The following HECW2 variants were observed in gnomAD, a reference collection of about 807,000 sequenced individuals.
The protein encoded by HECW2 is HECT, C2 and WW domain containing E3 ubiquitin protein ligase 2, also known as E3 ubiquitin-protein ligase HECW2.
A neutral mutation model predicts 175.2 loss-of-function variants in HECW2; 61 were observed. The ratio of observed to expected loss-of-function variants is 0.35; its 90% confidence interval spans 0.28 to 0.43. The LOEUF is 0.43. Ranked by LOEUF, HECW2 falls within the 20% of genes least tolerant of loss-of-function variation. The pLI is 1.00. For missense variants in HECW2, 1,524 were observed against 2,000.5 expected (o/e 0.76, Z 4.54); for synonymous variants, 671 against 731.0 (o/e 0.92, Z 1.32).
chr2:196,430,301 G>GA (rs1051692819), intron 2 of HECW2, among the ~76,000 whole-genome samples: 3 of 151,482 alleles, frequency 2.0e-5, no homozygotes, highest in African/African-American at 7.3e-5. Flanking sequence ...CTGCTTATTA[G>GA]AAAAAAAATC....
intron 4 of HECW2, among the ~76,000 whole-genome samples, chr2:196,333,938 C>A (rs549645801): frequency 3.3e-5 from 5 of 152,162 alleles, no homozygotes; most frequent in Non-Finnish European, 5.9e-5. Context: ...GACACTAGAT[C>A]CAAACTCAGC....
chr2:196,291,377 T>A (rs1402373509), intron 14 of HECW2: 1 of 152,172 alleles, frequency 6.6e-6, no homozygotes, highest in Non-Finnish European at 1.5e-5. Flanking sequence ...GCTCTTGGCC[T>A]ACAAAGAATA....
intron 2 of HECW2, among the ~76,000 whole-genome samples, chr2:196,391,179 A>G (rs1694498605): frequency 6.6e-6 from 1 of 152,134 alleles, no homozygotes; most frequent in Non-Finnish European, 1.5e-5. Flanking sequence ...CAGGTTATTT[A>G]TCTTCTACCA....
chr2:196,377,130 G>T (rs781053890), intron 2 of HECW2, among the ~76,000 whole-genome samples: 14 of 152,200 alleles, frequency 9.2e-5, no homozygotes, highest in South Asian at 4.2e-4. Context: ...AAAGCTATCC[G>T]CTAGTTAGTG....
chr2:196,492,582 G>C (rs1444607785), intron 1 of HECW2, among the ~76,000 whole-genome samples: 13 of 152,162 alleles, frequency 8.5e-5, no homozygotes, highest in South Asian at 8.3e-4. Flanking sequence ...AAAGGATTGT[G>C]GGGGAAAGGG....
chr2:196,274,252 A>G (rs1186166828), intron 15 of HECW2, 129 bp from the exon 16 acceptor site: 2 of 648,286 alleles, frequency 3.1e-6, no homozygotes, highest in South Asian at 1.9e-5. Context: ...AACAGATACC[A>G]GCTGTGGGGC....
chr2:196,331,084 G>T (rs192887843), intron 4 of HECW2: 1 of 899,256 alleles, frequency 1.1e-6, no homozygotes, highest in African/African-American at 1.8e-5. Context: ...TACTGCCTCC[G>T]CTGTAACTCC....
intron 1 of HECW2, among the ~76,000 whole-genome samples, chr2:196,524,504 C>G (rs1334009947): frequency 1.7e-5 from 1 of 58,498 alleles, no homozygotes; most frequent in East Asian, 3.4e-4. Flanking sequence ...TTAGTTATTT[C>G]TTGCCTTCTG....
At chr2:196,220,618 T>G (rs912237653) in intron 25 of HECW2, among the ~76,000 whole-genome samples, 177 bp downstream of exon 25, 22 of 152,212 alleles carry the variant, frequency 1.4e-4, no homozygotes, top group African/African-American at 5.1e-4. Flanking sequence ...CTCGTAACAG[T>G]GAGTTAAGCT....
At chr2:196,574,801 C>G (rs1177240069) in intron 1 of HECW2, among the ~76,000 whole-genome samples, 1 of 152,062 alleles carries the variant, frequency 6.6e-6, no homozygotes, top group Non-Finnish European at 1.5e-5. Flanking sequence ...TTAATCAAAA[C>G]AGTATGGTAC....
intron 2 of HECW2, among the ~76,000 whole-genome samples, chr2:196,394,823 C>G (rs1013736250): frequency 1.3e-5 from 2 of 152,194 alleles, no homozygotes; most frequent in Non-Finnish European, 2.9e-5. Context: ...TGGACCATGT[C>G]TTAGTCCCTT....
At chr2:196,329,919 G>C (rs946950601) in intron 4 of HECW2, among the ~76,000 whole-genome samples, 1 of 151,682 alleles carries the variant, frequency 6.6e-6, no homozygotes, top group Non-Finnish European at 1.5e-5. Flanking sequence ...TTTTCCCTTT[G>C]ATAAGAATAT....
intron 1 of HECW2, among the ~76,000 whole-genome samples, chr2:196,571,671 G>A (rs193147033): frequency 1.5e-4 from 23 of 152,006 alleles, no homozygotes; most frequent in African/African-American, 2.4e-4. Flanking sequence ...ACTGCACTCC[G>A]GCCTGGGCAA....
At chr2:196,238,923 T>G (rs1688351291) in intron 21 of HECW2, 1 of 152,218 alleles carries the variant, frequency 6.6e-6, no homozygotes, top group African/African-American at 2.4e-5. Context: ...CAAAGACTCT[T>G]CCCTATATCT....
intron 19 of HECW2, 56 bp downstream of exon 19, chr2:196,253,864 T>A: frequency 9.8e-6 from 15 of 1,524,462 alleles, no homozygotes; most frequent in Non-Finnish European, 1.3e-5. Context: ...GGATAGAACA[T>A]CTGGCTTGAA....
intron 19 of HECW2, among the ~76,000 whole-genome samples, chr2:196,250,243 A>G (rs533803272): frequency 6.6e-6 from 1 of 152,378 alleles, no homozygotes; most frequent in South Asian, 2.1e-4. Context: ...AAACCCCAGC[A>G]TAGGCTCTTA....
At position 196,570,608 on chromosome 2, in the gene HECW2, G is replaced by A. The variant is rs145244801; in HGVS notation, c.-36+22900C>T. Among the ~76,000 whole-genome samples the A allele has an allele frequency of 1.1e-4, 17 of 152,246 alleles. 1 individual carries two copies. In the East Asian group the frequency reaches 2.5e-3, roughly 22 times the overall value. ...AGGAGAAATACCTAATGTAAATGAC[G>A]AGTTGATGGGTGCAGCAAACCAACA... On this transcript the variant is annotated intron_variant, in intron 1 of 28. Coordinates refer to ENST00000644978, the MANE Select transcript of HECW2 (RefSeq NM_001348768.2).
intron 1 of HECW2, among the ~76,000 whole-genome samples, chr2:196,539,486 T>G (rs1050196857): frequency 6.6e-6 from 1 of 151,712 alleles, no homozygotes; most frequent in African/African-American, 2.4e-5. Context: ...TACAAAAAAA[T>G]TGGCCGGCTG....
chr2:196,484,935 T>A (rs918155888), intron 1 of HECW2, among the ~76,000 whole-genome samples: 4 of 152,182 alleles, frequency 2.6e-5, no homozygotes, highest in African/African-American at 9.6e-5. Flanking sequence ...GGTAGCAAGA[T>A]GAAACTGTTA....
Sources: allele counts gnomAD v4.1 joint callset (sites outside exome capture counted in the v4.1 genomes callset), GRCh38; gene constraint gnomAD v4.1.1; transcripts MANE v1.5; gene names NCBI Gene and HGNC (gene_info 2026-07-23, HGNC 2026-07-21).